Variants in RAPH1 observed in about 807,000 individuals in gnomAD.
RAPH1 encodes ras-associated and pleckstrin homology domains-containing protein 1.
In RAPH1, 18 loss-of-function variants were observed where a neutral mutation model predicts 88.1. The ratio of observed to expected loss-of-function variants is 0.20; its 90% CI spans 0.14 to 0.30. The LOEUF (loss-of-function observed/expected upper bound fraction) is 0.30. RAPH1 is among the 10% of genes least tolerant of loss of function. The pLI is 1.00. For missense variants in RAPH1, 1,448 were observed against 1,543.2 expected (o/e 0.94, Z 1.03); for synonymous variants, 587 against 559.0 (o/e 1.05, Z -0.71).
At chr2:203,471,800 CCT>C (rs1435670389) in intron 4 of RAPH1, among the ~76,000 whole-genome samples, 1 of 119,632 alleles carries the variant, frequency 8.4e-6, no homozygotes, top group Non-Finnish European at 1.8e-5. Context: ...CATAAATGCC[CCT>C]CTCACCCATT....
intron 13 of RAPH1, chr2:203,444,138 AAAAG>A (rs143960129): frequency 0.092 from 13,800 of 150,736 alleles, 1,430 homozygotes; most frequent in African/African-American, 0.25. Context: ...AGAAGAGAAA[AAAAG>A]AGAGAGAGAG....
intron 1 of RAPH1, among the ~76,000 whole-genome samples, chr2:203,533,809 G>T (rs1305331600): frequency 6.6e-6 from 1 of 152,078 alleles, no homozygotes; most frequent in African/African-American, 2.4e-5. Flanking sequence ...TGCCAGGCAA[G>T]GTGCTACGCA....
At chr2:203,482,806 A>C (rs2252140) in intron 4 of RAPH1, among the ~76,000 whole-genome samples, 16,237 of 151,652 alleles carry the variant, frequency 0.11, 1,748 homozygotes, top group African/African-American at 0.28. Flanking sequence ...CTGTCTCAAA[A>C]AAAACAAAAC....
intron 1 of RAPH1, among the ~76,000 whole-genome samples, chr2:203,519,946 A>G (rs1689789032): frequency 6.6e-6 from 1 of 152,220 alleles, no homozygotes; most frequent in African/African-American, 2.4e-5. Flanking sequence ...ATAAACAGAA[A>G]CAGTGCTTTT....
At chr2:203,472,689 C>A (rs1295700459) in intron 4 of RAPH1, among the ~76,000 whole-genome samples, 3 of 152,056 alleles carry the variant, frequency 2.0e-5, no homozygotes, top group South Asian at 2.1e-4. Context: ...ATATTCAGAT[C>A]ATTATATTTC....
rs1400294798 is a variant in RAPH1, at chr2:203,510,806, A to C, written c.1-15453T>G. Among the ~76,000 whole-genome samples the C allele has an allele frequency of 2.6e-5, 4 of 152,156 alleles. No homozygotes were observed. The East Asian group carries it at 7.7e-4, about 29-fold the overall frequency. On this transcript the variant is annotated intron_variant, in intron 1 of 13. Coordinates refer to ENST00000319170, the MANE Select transcript of RAPH1 (RefSeq NM_213589.3). Reference sequence around the variant, plus strand: ...ACTCACTGAGTGTACACTTTAAAAGAGTAAATGTTTGGGAGGGTGAGGCAG... The same window carrying C: ...ACTCACTGAGTGTACACTTTAAAAGCGTAAATGTTTGGGAGGGTGAGGCAG...
At chr2:203,496,506 GA>G (rs1553628374) in intron 1 of RAPH1, among the ~76,000 whole-genome samples, 1 of 152,108 alleles carries the variant, frequency 6.6e-6, no homozygotes, top group Non-Finnish European at 1.5e-5. Flanking sequence ...AAAGGCCCTG[GA>G]AAATCTTCAA....
At position 203,457,183 on chromosome 2, in the gene RAPH1, ATTT is replaced by A. The variant is rs1380283305; in HGVS notation, c.1158+344_1158+346del. 5.1e-4 allele frequency among the ~76,000 whole-genome samples: 78 copies of A among 151,590 alleles called. 1 individual carries two copies. In the East Asian group the frequency reaches 0.015, roughly 29 times the overall value. On this transcript the variant is annotated intron_variant, in intron 8 of 13. Transcript: ENST00000319170. ...AGGTATTTAATATTTTATTTTATTT[ATTT>A]ATTTATTTATTTATTTTATTGAGAC...
At chr2:203,526,318 G>A (rs1214050208) in intron 1 of RAPH1, among the ~76,000 whole-genome samples, 1 of 152,106 alleles carries the variant, frequency 6.6e-6, no homozygotes, top group Non-Finnish European at 1.5e-5. Flanking sequence ...ATATAATGTG[G>A]AATGATTTCA....
At position 203,439,489 on chromosome 2, in the gene RAPH1, G is replaced by C; in HGVS notation, c.3701C>G (p.Pro1234Arg). 1 of 1,613,982 alleles carries C rather than the reference G, an allele frequency of 6.2e-7. No homozygotes were observed. Among genetic ancestry groups the C allele is most frequent in the Non-Finnish European group, 8.5e-7 (1 of 1,180,002 alleles). ...SGYATLRRGPPPAPPKRDQNT... is the reference protein window; with the variant it reads ...SGYATLRRGPRPAPPKRDQNT... ...CTGGTCTCTTTTGGGGGGAGCAGGA[G>C]GGGGTCCTCTCCGCAACGTTGCATA... is the stretch of plus-strand genomic sequence containing the variant. The change falls in exon 14 of 14, where the codon CCT becomes CGT. Residue 1234 changes from proline to arginine, a missense_variant. Pro to Arg is a moderately radical substitution (Grantham distance 103). Coordinates refer to ENST00000319170, the MANE Select transcript of RAPH1 (RefSeq NM_213589.3).
chr2:203,439,702 G>C lies in RAPH1; in HGVS notation c.3488C>G (p.Pro1163Arg). ...TSPKSSLSVQ[P>R]GFLADLNRTL... ...CCTGTTGAGGTCAGCCAGGAATCCA[G>C]GCTGGACACTAAGGCTGGATTTGGG... The change falls in exon 14 of 14, where the codon CCT (proline) becomes CGT (arginine). Residue 1163 changes from proline (P) to arginine (R), a missense_variant. Pro to Arg is a moderately radical substitution (Grantham distance 103). This residue lies in a region of RAPH1 where 935 missense variants were observed against 890.1 expected (regional missense o/e 1.05). Coordinates refer to ENST00000319170, the MANE Select transcript of RAPH1 (RefSeq NM_213589.3). The C allele has an allele frequency of 6.2e-7, 1 of 1,614,134 alleles. No homozygotes were observed. The highest frequency in any genetic ancestry group is 8.5e-7 in the Non-Finnish European group (1 of 1,180,024).
chr2:203,454,673 G>A (rs1203121168), intron 9 of RAPH1, 133 bp from the exon 10 acceptor site: 4 of 605,366 alleles, frequency 6.6e-6, no homozygotes, highest in African/African-American at 3.7e-5. Context: ...CTATTTACAC[G>A]AGACAATGAG....
Position 203,439,245 on chromosome 2 carries a change from A to G in RAPH1, c.*192T>C, listed in dbSNP as rs781597657. On this transcript the variant is annotated 3_prime_UTR_variant, in exon 14 of 14. Transcript: ENST00000319170. ...TCTCTATATACACATACACATACAT[A>G]TATGTATACATATATACACACACTG... The G allele has an allele frequency of 4.4e-5, 25 of 573,058 alleles. 1 individual carries two copies. The highest frequency in any genetic ancestry group is 6.8e-5 in the Non-Finnish European group (22 of 321,844). 35.5% of individuals were successfully genotyped at this position (573,058 alleles called of 1,614,324 possible).
intron 8 of RAPH1, among the ~76,000 whole-genome samples, chr2:203,456,902 TTCTC>T (rs1332555932): frequency 1.3e-5 from 2 of 152,180 alleles, no homozygotes; most frequent in African/African-American, 2.4e-5. Context: ...ATATTCAAAT[TTCTC>T]TCTGAGTAAG....
At chr2:203,447,855 C>T (rs574099208) in intron 12 of RAPH1, 104 bp downstream of exon 12, 2 of 1,206,090 alleles carry the variant, frequency 1.7e-6, no homozygotes, top group African/African-American at 3.0e-5. Flanking sequence ...TTAAGTATGG[C>T]TCCGGTTTTT....
intron 4 of RAPH1, among the ~76,000 whole-genome samples, chr2:203,471,244 T>C (rs2098532819): frequency 6.6e-6 from 1 of 152,192 alleles, no homozygotes; most frequent in Non-Finnish European, 1.5e-5. Context: ...GTATAGAAAA[T>C]ATTGTTATAT....
chr2:203,468,312 G>C (rs1020860278), intron 4 of RAPH1, among the ~76,000 whole-genome samples: 8 of 152,110 alleles, frequency 5.3e-5, no homozygotes, highest in African/African-American at 1.9e-4. Flanking sequence ...CCCCAATCAA[G>C]ACACTTGTAC....
At position 203,489,716 on chromosome 2, in the gene RAPH1, T is replaced by TTCA. The variant is rs1688159092; in HGVS notation, c.597_599dup (p.Ala199_Glu200insAsp). The stretch of plus-strand genomic sequence containing the variant: ...GGGAGGAATTACTAATAGAGTGTAC[T>TTCA]TCAGCATCACTCACTGTGCCTGCTG... On this transcript the variant is annotated inframe_insertion, in exon 4 of 14. Coordinates refer to ENST00000319170, the MANE Select transcript of RAPH1 (RefSeq NM_213589.3). 6.2e-7 allele frequency: 1 copy of TTCA among 1,614,046 alleles called. No individual in the cohort carries two copies. The highest frequency in any genetic ancestry group is 8.5e-7 in the Non-Finnish European group (1 of 1,180,022).
chr2:203,503,803 A>T (rs943173269), intron 1 of RAPH1, among the ~76,000 whole-genome samples: 1 of 152,232 alleles, frequency 6.6e-6, no homozygotes, highest in Non-Finnish European at 1.5e-5. Context: ...CAATGGGGGT[A>T]CAGGTATTGG....
Sources: gnomAD v4.1 joint callset for allele counts (sites outside exome capture counted in the v4.1 genomes callset) on GRCh38, gnomAD v4.1.1 for gene constraint, gnomAD v4.1.1 regional missense constraint, MANE v1.5 for transcripts, NCBI Gene and HGNC (gene_info 2026-07-23, HGNC 2026-07-21) for gene names.